The following THSD7B variants were observed in gnomAD, a reference collection of about 807,000 sequenced individuals.
THSD7B encodes thrombospondin type 1 domain containing 7B, also known as thrombospondin type-1 domain-containing protein 7B.
THSD7B carries 138 observed loss-of-function variants against 213.6 expected under a neutral mutation model. The observed-to-expected ratio is 0.65, with a 90% CI of 0.56 to 0.74. The LOEUF (loss-of-function observed/expected upper bound fraction) is 0.74, where lower values mean the gene tolerates loss of function less well. Ranked by LOEUF, THSD7B falls within the 30% of genes least tolerant of loss-of-function variation. The pLI is 0.00. For missense variants in THSD7B, 1,931 were observed against 1,991.5 expected (o/e 0.97, Z 0.58); for synonymous variants, 742 against 687.0 (o/e 1.08, Z -1.25).
intron 15 of THSD7B, among the ~76,000 whole-genome samples, chr2:137,463,217 G>T (rs1277634376): frequency 6.6e-6 from 1 of 152,104 alleles, no homozygotes; most frequent in Non-Finnish European, 1.5e-5. Flanking sequence ...GCGTAAGCCA[G>T]GGGGCAACTA....
intron 2 of THSD7B, among the ~76,000 whole-genome samples, chr2:136,905,413 C>A (rs1265881931): frequency 6.6e-6 from 1 of 152,120 alleles, no homozygotes; most frequent in Non-Finnish European, 1.5e-5. Context: ...ATGTCAAAAG[C>A]ATTATGAGAA....
intron 14 of THSD7B, among the ~76,000 whole-genome samples, chr2:137,416,788 A>G (rs902178847): frequency 6.6e-6 from 1 of 152,268 alleles, no homozygotes; most frequent in Non-Finnish European, 1.5e-5. Context: ...AAGAGCACAG[A>G]AAACCTTGTT....
rs138555721 is a variant in THSD7B, at chr2:136,827,144, T to G, written c.-35-55000T>G. Among the ~76,000 whole-genome samples the G allele has an allele frequency of 3.3e-4, 50 of 152,328 alleles. No homozygotes were observed. In the East Asian group the frequency reaches 7.3e-3, roughly 22 times the overall value. ...AGCAAAAAGACAATCATGAAAATTA[T>G]TGGTTTCTCTGGCAGTGTTAGGTCA... On this transcript the variant is annotated intron_variant, in intron 1 of 27. Transcript: ENST00000409968.
chr2:137,512,382 CTTTTTTTTTTTTT>C (rs70978233), intron 15 of THSD7B, among the ~76,000 whole-genome samples: 1 of 81,382 alleles, frequency 1.2e-5, no homozygotes, highest in South Asian at 4.1e-4. Flanking sequence ...CATTTATTTC[CTTTTTTTTTTTTT>C]TTTTTTTTTT....
At chr2:137,386,646 T>C (rs989340344) in intron 12 of THSD7B, among the ~76,000 whole-genome samples, 1 of 152,190 alleles carries the variant, frequency 6.6e-6, no homozygotes. Flanking sequence ...GCTCCAGCCT[T>C]TTATAGTTTT....
chr2:136,967,985 T>C (rs1194048566), intron 2 of THSD7B, among the ~76,000 whole-genome samples: 2 of 152,198 alleles, frequency 1.3e-5, no homozygotes, highest in African/African-American at 4.8e-5. Context: ...CTCTATTGAA[T>C]GAATATTTCA....
chr2:137,364,903 A>G (rs548446184), intron 12 of THSD7B, among the ~76,000 whole-genome samples: 4 of 152,216 alleles, frequency 2.6e-5, no homozygotes, highest in African/African-American at 9.6e-5. Context: ...TAAAGTTCAC[A>G]TGGAACCAAA....
At chr2:137,644,025 A>G (rs961584802) in intron 21 of THSD7B, among the ~76,000 whole-genome samples, 4 of 152,190 alleles carry the variant, frequency 2.6e-5, no homozygotes, top group African/African-American at 9.7e-5. Context: ...CTTTTACAAA[A>G]ACAATAAGGG....
intron 2 of THSD7B, among the ~76,000 whole-genome samples, chr2:136,925,846 CTAGT>C (rs1684513482): frequency 6.6e-6 from 1 of 152,058 alleles, no homozygotes; most frequent in African/African-American, 2.4e-5. Flanking sequence ...GTCTCTCTTA[CTAGT>C]TAGTCAATTT....
intron 15 of THSD7B, among the ~76,000 whole-genome samples, chr2:137,482,886 A>G (rs553818516): frequency 6.6e-6 from 1 of 152,300 alleles, no homozygotes; most frequent in South Asian, 2.1e-4. Context: ...CCAATACAGC[A>G]TAGGATCTCT....
chr2:137,474,729 C>A, intron 15 of THSD7B, among the ~76,000 whole-genome samples: 1 of 152,284 alleles, frequency 6.6e-6, no homozygotes, highest in South Asian at 2.1e-4. Flanking sequence ...AATTCTTAGT[C>A]ATTTATTTGT....
chr2:137,516,704 A>G (rs1680075987), intron 15 of THSD7B, among the ~76,000 whole-genome samples: 1 of 105,844 alleles, frequency 9.4e-6, no homozygotes, highest in Admixed American at 8.6e-5. Flanking sequence ...CAGAATGCAT[A>G]ATTGCCATTG....
In THSD7B at chr2:137,242,553, C is replaced by T. The variant is rs1326876427; in HGVS notation, c.2247C>T (p.Cys749=). Residue 749 remains cysteine (C), a synonymous_variant, in exon 10 of 28, where the codon TGC becomes TGT. Coordinates refer to ENST00000409968, the MANE Select transcript of THSD7B (RefSeq NM_001316349.2). ...IVTAFSEWTP[C]PRMCQAGNAT... is the part of the protein sequence containing the mutation. ...CTGCTTTCAGTGAGTGGACACCCTG[C>T]CCAAGGATGTGCCAAGCAGGTAGGT... 2 of 1,613,462 alleles carry T rather than the reference C, an allele frequency of 1.2e-6. No individual in the cohort carries two copies. The highest frequency in any genetic ancestry group is 1.7e-6 in the Non-Finnish European group (2 of 1,179,500).
intron 15 of THSD7B, among the ~76,000 whole-genome samples, chr2:137,500,069 C>A (rs755251025): frequency 6.6e-6 from 1 of 152,114 alleles, no homozygotes; most frequent in Non-Finnish European, 1.5e-5. Context: ...TTTCAAGACA[C>A]CCCACTGTTT....
At chr2:136,924,750 GA>G (rs1290488240) in intron 2 of THSD7B, among the ~76,000 whole-genome samples, 1 of 152,078 alleles carries the variant, frequency 6.6e-6, no homozygotes, top group Non-Finnish European at 1.5e-5. Flanking sequence ...GCAATGAATT[GA>G]TAAGTCACTT....
At chr2:137,160,421 T>TTCTGGTAGC in intron 6 of THSD7B, 53 bp downstream of exon 6, 1 of 1,587,186 alleles carries the variant, frequency 6.3e-7, no homozygotes, top group African/African-American at 1.3e-5. Flanking sequence ...CAAACATTTA[T>TTCTGGTAGC]TCTGGTAGCT....
intron 3 of THSD7B, among the ~76,000 whole-genome samples, chr2:137,088,536 A>G (rs1416514614): frequency 2.0e-5 from 3 of 152,032 alleles, no homozygotes; most frequent in African/African-American, 7.2e-5. Flanking sequence ...CTGGAAGATA[A>G]CATTGGAAAA....
In THSD7B at chr2:137,231,244, C is replaced by T; in HGVS notation, c.1915+9C>T. On this transcript the variant is annotated intron_variant, in intron 8 of 27. Transcript: ENST00000409968. ...GGCACTGGCTGGGGAAGGTGAGTAA[C>T]AGAAAAGGTTTTCACTTTGGATTCA... The T allele has an allele frequency of 3.1e-6, 5 of 1,594,840 alleles. No individual in the cohort carries two copies. The highest frequency in any genetic ancestry group is 4.3e-6 in the Non-Finnish European group (5 of 1,169,490).
chr2:136,844,540 A>G (rs981178439), intron 1 of THSD7B, among the ~76,000 whole-genome samples: 2 of 151,018 alleles, frequency 1.3e-5, no homozygotes, highest in East Asian at 4.0e-4. Context: ...TTGTTCTCCA[A>G]CCTCCTTTCA....
Sources: allele counts gnomAD v4.1 joint callset (sites outside exome capture counted in the v4.1 genomes callset), GRCh38; gene constraint gnomAD v4.1.1; transcripts MANE v1.5; gene names NCBI Gene and HGNC (gene_info 2026-07-23, HGNC 2026-07-21).